Variants in DPYSL5 observed in about 807,000 individuals in gnomAD.
The protein encoded by DPYSL5 is dihydropyrimidinase like 5.
A neutral mutation model predicts 58.4 loss-of-function variants in DPYSL5; 9 were observed. The observed-to-expected ratio is 0.15, with a 90% CI of 0.09 to 0.27. The LOEUF is 0.27. Ranked by LOEUF, DPYSL5 falls within the 10% of genes least tolerant of loss-of-function variation. DPYSL5 has a pLI of 1.00. For missense variants in DPYSL5, 499 were observed against 770.6 expected, an observed-to-expected ratio of 0.65 and a Z score of 4.17; for synonymous variants, 293 against 301.9, an observed-to-expected ratio of 0.97 and a Z score of 0.31.
chr2:26,865,236 A>C (rs929454823), intron 1 of DPYSL5, among the ~76,000 whole-genome samples: 1 of 151,642 alleles, frequency 6.6e-6, no homozygotes, highest in African/African-American at 2.4e-5. Flanking sequence ...AACAAATAGC[A>C]CAGAAAGCAT....
chr2:26,947,228 C>T lies in DPYSL5; in HGVS notation c.*233C>T, dbSNP rs1025167760. 8 of 487,188 alleles carry T rather than the reference C, an allele frequency of 1.6e-5. No individual in the cohort carries two copies. The highest frequency in any genetic ancestry group is 3.9e-5 in the African/African-American group (2 of 51,694). The allele number at this position is 487,188 out of a possible 1,614,324, so 30.2% of individuals were successfully genotyped here. A position where few individuals can be genotyped will look rare whatever the true frequency, so the allele number is the denominator to read the frequency against. ...GCTGTAGTCCTTTCTGCCTTGGCCT[C>T]GGCGGGCTTTTCTGGGGCCCAGGAA... On this transcript the variant is annotated 3_prime_UTR_variant, in exon 13 of 13. Transcript: ENST00000288699. The surrounding 1 kb of genome is among the most constrained non-coding windows in gnomAD (Gnocchi z 4.2).
intron 2 of DPYSL5, among the ~76,000 whole-genome samples, chr2:26,909,926 T>C (rs944534716): frequency 6.6e-6 from 1 of 152,206 alleles, no homozygotes; most frequent in Non-Finnish European, 1.5e-5. Context: ...GTATACAGTT[T>C]GATACATTTT....
At chr2:26,879,238 G>A (rs993428345) in intron 1 of DPYSL5, among the ~76,000 whole-genome samples, 13 of 152,196 alleles carry the variant, frequency 8.5e-5, no homozygotes, top group African/African-American at 2.9e-4. Context: ...TGGGTTTGGA[G>A]AAAGAGGACA....
At chr2:26,901,412 C>T (rs1664151183) in intron 2 of DPYSL5, among the ~76,000 whole-genome samples, 3 of 152,020 alleles carry the variant, frequency 2.0e-5, no homozygotes, top group Non-Finnish European at 4.4e-5. Flanking sequence ...ACCAAGATTT[C>T]CCCTTTATGT....
chr2:26,932,036 A>AAAAG lies in DPYSL5; in HGVS notation c.714+361_714+364dup, dbSNP rs1665005995. Among the ~76,000 whole-genome samples, 52 of 102,352 alleles carry AAAAG rather than the reference A, an allele frequency of 5.1e-4. 2 individuals carry two copies. Among genetic ancestry groups the AAAAG allele is most frequent in the African/African-American group, 2.2e-3 (49 of 22,296 alleles). 67.1% of individuals were successfully genotyped at this position (102,352 alleles called of 152,430 possible). Reference sequence around the variant, plus strand: ...AAAAAAAAAAAAAAAGAAAGAAAAGAAAAGAAAGAAAGGAAAGAAAGAAAG... The same window carrying AAAAG: ...AAAAAAAAAAAAAAAGAAAGAAAAGAAAAGAAAGAAAGAAAGGAAAGAAAGAAAG... On this transcript the variant is annotated intron_variant, in intron 6 of 12. Transcript: ENST00000288699.
intron 1 of DPYSL5, among the ~76,000 whole-genome samples, chr2:26,895,609 T>G (rs1378594091): frequency 2.0e-5 from 3 of 152,072 alleles, no homozygotes; most frequent in Non-Finnish European, 4.4e-5. Flanking sequence ...AAAGCATTTT[T>G]CAAGAATACA....
At position 26,944,802 on chromosome 2, in the gene DPYSL5, C is replaced by T. The variant is rs776658922; in HGVS notation, c.1587C>T (p.His529=). 7 of 1,614,006 alleles carry T rather than the reference C, an allele frequency of 4.3e-6. No homozygotes were observed. Among genetic ancestry groups the T allele is most frequent in the African/African-American group, 4.0e-5 (3 of 74,916 alleles). Residue 529 remains histidine, a synonymous_variant, in exon 12 of 13, where the codon CAC becomes CAT. Transcript: ENST00000288699. The surrounding 1 kb of genome is among the most constrained non-coding windows in gnomAD (Gnocchi z 4.4). ...GGCATGGGGGCATGAGGGACCTTCA[C>T]GAATCCAGCTTCAGCCTCTCTGGTA... ...VTRHGGMRDL[H]ESSFSLSGSQ...
In DPYSL5 at chr2:26,942,207, C is replaced by A; in HGVS notation, c.1232+115C>A. On this transcript the variant is annotated intron_variant, in intron 10 of 12. Coordinates refer to ENST00000288699, the MANE Select transcript of DPYSL5 (RefSeq NM_020134.4). The surrounding 1 kb of genome is among the most constrained non-coding windows in gnomAD (Gnocchi z 5.9). The stretch of plus-strand genomic sequence containing the variant: ...CACTATTTCTAGCACAAAATATGGC[C>A]CTGGCCTACCGTTGGCCATCTTCTC... 6.8e-7 allele frequency: 1 copy of A among 1,474,604 alleles called. No individual in the cohort carries two copies. The highest frequency in any genetic ancestry group is 9.2e-7 in the Non-Finnish European group (1 of 1,092,626). 91.3% of individuals were successfully genotyped at this position (1,474,604 alleles called of 1,614,324 possible). A position where few individuals can be genotyped will look rare whatever the true frequency, so the allele number is the denominator to read the frequency against.
At chr2:26,913,743 G>T (rs1264551985) in intron 2 of DPYSL5, among the ~76,000 whole-genome samples, 1 of 152,192 alleles carries the variant, frequency 6.6e-6, no homozygotes, top group Non-Finnish European at 1.5e-5. Context: ...GATGACTTCA[G>T]TGAGAGTGAT....
intron 1 of DPYSL5, among the ~76,000 whole-genome samples, chr2:26,859,973 G>A (rs1665969685): frequency 6.6e-6 from 1 of 152,176 alleles, no homozygotes; most frequent in South Asian, 2.1e-4. Context: ...AGGAGCTAGT[G>A]CATGGGAGAG....
At chr2:26,866,234 G>A (rs1050200464) in intron 1 of DPYSL5, among the ~76,000 whole-genome samples, 1 of 152,204 alleles carries the variant, frequency 6.6e-6, no homozygotes, top group Admixed American at 6.5e-5. Context: ...GTGTTGCTGT[G>A]AGGATAAGAA....
At chr2:26,862,737 G>T (rs1027422636) in intron 1 of DPYSL5, among the ~76,000 whole-genome samples, 1 of 152,208 alleles carries the variant, frequency 6.6e-6, no homozygotes. Context: ...GGCACATCCA[G>T]CCTCTGTGTG....
chr2:26,931,203 G>GTGTATATATATATA (rs1474347605), intron 5 of DPYSL5, among the ~76,000 whole-genome samples: 4 of 44,930 alleles, frequency 8.9e-5, no homozygotes, highest in East Asian at 8.3e-4. Context: ...GTGTGTGTGT[G>GTGTATATATATATA]TATATATATA....
intron 1 of DPYSL5, among the ~76,000 whole-genome samples, chr2:26,852,017 AGTT>A (rs1665769846): frequency 6.6e-6 from 1 of 152,210 alleles, no homozygotes; most frequent in Non-Finnish European, 1.5e-5. Context: ...GAGCCAGAGA[AGTT>A]GGACAAGAGT....
chr2:26,848,820 T>C (rs1339959065), intron 1 of DPYSL5, among the ~76,000 whole-genome samples: 1 of 151,996 alleles, frequency 6.6e-6, no homozygotes, highest in Non-Finnish European at 1.5e-5. Flanking sequence ...TGCAGAGGAC[T>C]CGCCCGCCGC....
intron 2 of DPYSL5, among the ~76,000 whole-genome samples, chr2:26,906,692 C>T (rs969164401): frequency 3.5e-4 from 53 of 152,194 alleles, no homozygotes; most frequent in Admixed American, 1.0e-3. Context: ...AAAAACATGG[C>T]TATCCTATAG....
intron 2 of DPYSL5, among the ~76,000 whole-genome samples, chr2:26,901,778 G>A (rs1443697490): frequency 4.0e-4 from 14 of 35,068 alleles, no homozygotes; most frequent in Admixed American, 3.6e-3. Context: ...CCCCCGCCCC[G>A]CCCCACCCCA....
chr2:26,919,988 A>G (rs1664664130), intron 2 of DPYSL5, among the ~76,000 whole-genome samples: 1 of 152,250 alleles, frequency 6.6e-6, no homozygotes, highest in African/African-American at 2.4e-5. Context: ...TTGCAAAAGA[A>G]TATAGACAGT....
chr2:26,887,039 G>A (rs551440097), intron 1 of DPYSL5, among the ~76,000 whole-genome samples: 1 of 152,286 alleles, frequency 6.6e-6, no homozygotes, highest in South Asian at 2.1e-4. Context: ...GACCTCACCT[G>A]CCCCTTGAGG....
Sources: allele counts gnomAD v4.1 joint callset (sites outside exome capture counted in the v4.1 genomes callset), GRCh38; gene constraint gnomAD v4.1.1; non-coding constraint Gnocchi (gnomAD v3.1); transcripts MANE v1.5; gene names NCBI Gene and HGNC (gene_info 2026-07-23, HGNC 2026-07-21).